Variants in ZNF827 observed in about 807,000 individuals in gnomAD.
ZNF827 encodes zinc finger protein 827.
Under a neutral mutation model 102.4 loss-of-function variants are expected in ZNF827, and 13 were observed. The ratio of observed to expected loss-of-function variants is 0.13; its 90% CI spans 0.08 to 0.20. The LOEUF (loss-of-function observed/expected upper bound fraction) is 0.20. ZNF827 is among the 10% of genes least tolerant of loss of function. The pLI is 1.00. For missense variants in ZNF827, 1,103 were observed against 1,344.4 expected, an observed-to-expected ratio of 0.82 and a Z score of 2.81; for synonymous variants, 523 against 536.2, an observed-to-expected ratio of 0.98 and a Z score of 0.34.
intron 1 of ZNF827, among the ~76,000 whole-genome samples, chr4:145,906,539 A>G (rs1402517959): frequency 6.6e-6 from 1 of 152,160 alleles, no homozygotes; most frequent in Non-Finnish European, 1.5e-5. Context: ...TCAGTGAGCA[A>G]GAATATTCCC....
intron 5 of ZNF827, among the ~76,000 whole-genome samples, chr4:145,856,143 C>T (rs1324051576): frequency 3.3e-5 from 5 of 152,050 alleles, no homozygotes; most frequent in African/African-American, 7.2e-5. Flanking sequence ...TACAGTCTTG[C>T]GCCACCATGC....
chr4:145,906,025 C>G (rs978509398), intron 1 of ZNF827, among the ~76,000 whole-genome samples: 3 of 152,170 alleles, frequency 2.0e-5, no homozygotes, highest in African/African-American at 7.2e-5. Context: ...GTTTTGAGAA[C>G]CACAAGAAGT....
In ZNF827 at chr4:145,758,536, C is replaced by T. The variant is rs973562903; in HGVS notation, c.*3080G>A. On this transcript the variant is annotated 3_prime_UTR_variant, in exon 15 of 15. Coordinates refer to ENST00000508784, the MANE Select transcript of ZNF827 (RefSeq NM_001306215.2). ...TGTAGTTTTGAAAACACATTATTAG[C>T]CAAGTGGCACATTCTCCATTATATG... 1 of 152,200 alleles carries T rather than the reference C, an allele frequency of 6.6e-6. No homozygotes were observed. Among genetic ancestry groups the T allele is most frequent in the Non-Finnish European group, 1.5e-5 (1 of 68,050 alleles). The allele number at this position is 152,200 out of a possible 1,614,324, so 9.4% of individuals were successfully genotyped here. A position where few individuals can be genotyped will look rare whatever the true frequency, so the allele number is the denominator to read the frequency against.
At chr4:145,770,987 G>A (rs1423434640) in intron 11 of ZNF827, 24 of 152,170 alleles carry the variant, frequency 1.6e-4, no homozygotes, top group Admixed American at 1.6e-3. Context: ...TAACTTAACA[G>A]GTGGAATATA....
chr4:145,918,568 C>G (rs1252936302), intron 1 of ZNF827, among the ~76,000 whole-genome samples: 1 of 151,474 alleles, frequency 6.6e-6, no homozygotes. Context: ...CTTTTTAATC[C>G]AGCCACTTGT....
intron 2 of ZNF827, among the ~76,000 whole-genome samples, chr4:145,897,226 TA>T (rs113107091): frequency 4.9e-4 from 75 of 151,990 alleles, no homozygotes; most frequent in African/African-American, 1.7e-3. Flanking sequence ...TTCATTGGGC[TA>T]AAAAAAAATT....
chr4:145,854,019 T>C (rs1300154208), intron 5 of ZNF827, among the ~76,000 whole-genome samples: 1 of 151,602 alleles, frequency 6.6e-6, no homozygotes, highest in African/African-American at 2.4e-5. Context: ...ATGGATGAAA[T>C]TTATACAGGA....
intron 8 of ZNF827, among the ~76,000 whole-genome samples, chr4:145,816,079 A>G (rs1742567123): frequency 6.6e-6 from 1 of 152,242 alleles, no homozygotes; most frequent in Admixed American, 6.5e-5. Flanking sequence ...TATGCTGTCC[A>G]GGCTGGTCTC....
intron 8 of ZNF827, among the ~76,000 whole-genome samples, chr4:145,804,929 T>C (rs983889716): frequency 6.6e-6 from 1 of 152,204 alleles, no homozygotes; most frequent in Admixed American, 6.5e-5. Context: ...TAATTTGATA[T>C]AACATTTAGA....
intron 5 of ZNF827, among the ~76,000 whole-genome samples, chr4:145,867,031 G>A (rs145764471): frequency 1.9e-4 from 29 of 152,204 alleles, no homozygotes; most frequent in African/African-American, 6.0e-4. Context: ...CTGAGATTTC[G>A]GCCTCCTTGA....
chr4:145,774,345 C>CA (rs1276945712), intron 11 of ZNF827, among the ~76,000 whole-genome samples, 161 bp downstream of exon 11: 1 of 152,150 alleles, frequency 6.6e-6, no homozygotes, highest in Admixed American at 6.5e-5. Flanking sequence ...AGTATTATGA[C>CA]TACAGGGAAA....
intron 7 of ZNF827, among the ~76,000 whole-genome samples, chr4:145,827,132 G>C (rs1743765947): frequency 2.0e-5 from 3 of 152,200 alleles, no homozygotes. Context: ...TGGAGACTTA[G>C]GCACAAAGAA....
intron 2 of ZNF827, among the ~76,000 whole-genome samples, chr4:145,900,311 C>A (rs1751312571): frequency 6.6e-6 from 1 of 152,136 alleles, no homozygotes; most frequent in Admixed American, 6.5e-5. Flanking sequence ...ATAAGCTTTC[C>A]CAACTAACAA....
chr4:145,824,612 T>C (rs1560965289), intron 7 of ZNF827, among the ~76,000 whole-genome samples: 1 of 152,066 alleles, frequency 6.6e-6, no homozygotes, highest in Non-Finnish European at 1.5e-5. Flanking sequence ...GAGGGAGTGG[T>C]AGAATACCCA....
At position 145,763,220 on chromosome 4, in the gene ZNF827, C is replaced by T. The variant is rs963674722; in HGVS notation, c.3231-98G>A. ...TTCCATCACAGAAAAGCAATTTAGA[C>T]ATCAGCAGTCTGTTTCATTTTAAGG... is the stretch of plus-strand genomic sequence containing the variant. On this transcript the variant is annotated intron_variant, in intron 13 of 14. Transcript: ENST00000508784. The surrounding 1 kb of genome is among the most constrained non-coding windows in gnomAD (Gnocchi z 4.6). The T allele has an allele frequency of 1.9e-5, 22 of 1,188,016 alleles. 1 individual carries two copies. The highest frequency in any genetic ancestry group is 2.6e-5 in the Non-Finnish European group (22 of 847,048). 73.6% of individuals were successfully genotyped at this position (1,188,016 alleles called of 1,614,324 possible).
At chr4:145,834,741 G>A (rs1223906332) in intron 7 of ZNF827, among the ~76,000 whole-genome samples, 3 of 151,952 alleles carry the variant, frequency 2.0e-5, no homozygotes, top group African/African-American at 4.8e-5. Flanking sequence ...GACCCTAAAA[G>A]GTCAAAAGGC....
chr4:145,845,898 AGTAC>A (rs1463121325), intron 7 of ZNF827, 54 bp downstream of exon 7: 1 of 1,563,622 alleles, frequency 6.4e-7, no homozygotes, highest in Non-Finnish European at 8.8e-7. Context: ...TTCAACATGT[AGTAC>A]GGGCTGGTGG....
intron 5 of ZNF827, among the ~76,000 whole-genome samples, chr4:145,869,040 C>T (rs1233166023): frequency 6.6e-6 from 1 of 152,214 alleles, no homozygotes; most frequent in East Asian, 1.9e-4. Flanking sequence ...TACAATCTTA[C>T]TAACATCTCA....
rs538376970 is a variant in ZNF827 at position 145,916,387 on chromosome 4, G to A, written c.44-13172C>T. Among the ~76,000 whole-genome samples the A allele has an allele frequency of 3.6e-4, 54 of 151,510 alleles. No homozygotes were observed. The South Asian group carries it at 3.7e-3, about 10-fold the overall frequency. ...CTGGGGTGAACTGGGGGCATGAGCC[G>A]TACGGGAATGTGGGGAGCAAAGACT... is the stretch of plus-strand genomic sequence containing the variant. On this transcript the variant is annotated intron_variant, in intron 1 of 14. Coordinates refer to ENST00000508784, the MANE Select transcript of ZNF827 (RefSeq NM_001306215.2).
Sources: gnomAD v4.1 joint callset for allele counts (sites outside exome capture counted in the v4.1 genomes callset) on GRCh38, gnomAD v4.1.1 for gene constraint, Gnocchi (gnomAD v3.1) non-coding constraint, MANE v1.5 for transcripts, NCBI Gene and HGNC (gene_info 2026-07-23, HGNC 2026-07-21) for gene names.